Variants in LIFR observed in about 807,000 individuals in gnomAD.
LIFR encodes LIF receptor subunit alpha.
In LIFR, 84 loss-of-function variants were observed where a neutral mutation model predicts 122.2. That is an observed-to-expected ratio of 0.69 (90% confidence interval 0.58 to 0.82). LIFR has a LOEUF of 0.82. Ranked by LOEUF, LIFR falls within the 40% of genes least tolerant of loss-of-function variation. The pLI, the probability that LIFR is intolerant of heterozygous loss-of-function variation, is 0.00. For synonymous variants in LIFR, 422 were observed against 434.7 expected (o/e 0.97, Z 0.36); for missense variants, 1,294 against 1,311.6 (o/e 0.99, Z 0.21).
At chr5:38,500,334 A>G (rs1217995345) in intron 11 of LIFR, among the ~76,000 whole-genome samples, 1 of 152,228 alleles carries the variant, frequency 6.6e-6, no homozygotes, top group South Asian at 2.1e-4. Context: ...CCTCATCCGA[A>G]ATGCTTGGGA....
chr5:38,530,632 C>T lies in LIFR; in HGVS notation c.16G>A (p.Val6Ile), dbSNP rs373771721. The T allele has an allele frequency of 3.9e-5, 63 of 1,613,544 alleles. 1 individual carries two copies. The South Asian group carries it at 5.5e-4, about 14-fold the overall frequency. Residue 6 changes from valine to isoleucine, a missense_variant, in exon 2 of 20, where the codon GTA becomes ATA. Val to Ile is a conservative substitution (Grantham distance 29). Transcript: ENST00000453190. ...ATCCAGGATGGTCGTTTCAAACATA[C>T]GTAAATATCCATCATCTGTGCAATG... MMDIY[V>I]CLKRPSWMVD...
At chr5:38,606,028 A>T (rs1750321012) in intron 2 of LIFR, among the ~76,000 whole-genome samples, 1 of 152,176 alleles carries the variant, frequency 6.6e-6, no homozygotes, top group Non-Finnish European at 1.5e-5. Flanking sequence ...ATTGACTGAG[A>T]CCTGTCTCAG....
intron 4 of LIFR, among the ~76,000 whole-genome samples, chr5:38,524,605 G>A (rs1561174532): frequency 6.6e-6 from 1 of 152,190 alleles, no homozygotes. Flanking sequence ...GCAGCAAGAG[G>A]AGCAAAAGGA....
chr5:38,583,457 T>C (rs1749650823), intron 1 of LIFR, among the ~76,000 whole-genome samples: 1 of 151,934 alleles, frequency 6.6e-6, no homozygotes, highest in Admixed American at 6.6e-5. Context: ...TAAATGAGAC[T>C]ACAACAAACT....
intron 1 of LIFR, among the ~76,000 whole-genome samples, chr5:38,586,744 C>A (rs1035468792): frequency 1.3e-5 from 2 of 152,078 alleles, no homozygotes; most frequent in African/African-American, 2.4e-5. Flanking sequence ...CACAATTATA[C>A]TAGATCCATC....
At chr5:38,517,873 A>AAAAAAAAAAAAAAG (rs1746178745) in intron 5 of LIFR, among the ~76,000 whole-genome samples, 1 of 142,884 alleles carries the variant, frequency 7.0e-6, no homozygotes, top group Non-Finnish European at 1.5e-5. Flanking sequence ...AAAAAAAAAA[A>AAAAAAAAAAAAAAG]AAAAAAAAGG....
intron 1 of LIFR, among the ~76,000 whole-genome samples, chr5:38,538,349 T>C (rs1283617501): frequency 6.6e-6 from 1 of 152,248 alleles, no homozygotes; most frequent in Non-Finnish European, 1.5e-5. Flanking sequence ...GTTCCCAGGA[T>C]TGGCCTCTTC....
intron 1 of LIFR, among the ~76,000 whole-genome samples, chr5:38,576,583 C>T (rs1031632719): frequency 4.6e-5 from 7 of 152,132 alleles, no homozygotes; most frequent in Admixed American, 2.0e-4. Flanking sequence ...CTCATAGAAA[C>T]GTGACACCAT....
Position 38,480,084 on chromosome 5 carries a change from G to A in LIFR, c.*1511C>T, listed in dbSNP as rs1743907641. The A allele has an allele frequency of 8.9e-6, 2 of 225,636 alleles. No individual in the cohort carries two copies. The highest frequency in any genetic ancestry group is 2.2e-5 in the African/African-American group (1 of 44,654). The allele number at this position is 225,636 out of a possible 1,614,324, so 14.0% of individuals were successfully genotyped here. ...AAAAAAATTAATTGATCCATTATTT[G>A]CAAATACATTACAGAATCTCAGATG... On this transcript the variant is annotated 3_prime_UTR_variant, in exon 20 of 20. Coordinates refer to ENST00000453190, the MANE Select transcript of LIFR (RefSeq NM_001127671.2).
At position 38,496,484 on chromosome 5, in the gene LIFR, C is replaced by CTG. The variant is rs2112430367; in HGVS notation, c.1781_1782dup (p.Glu595GlnfsTer14). ...TAGTCATTCTTATCAAGTCGTATCT[C>CTG]TGCTTTGTGCTGAGGATCAGGGATT... On this transcript the variant is annotated frameshift_variant, in exon 13 of 20. Transcript: ENST00000453190. LOFTEE classifies it high-confidence loss of function. 6.2e-7 allele frequency: 1 copy of CTG among 1,614,056 alleles called. No homozygotes were observed. The highest frequency in any genetic ancestry group is 1.1e-5 in the South Asian group (1 of 91,078).
chr5:38,516,196 C>T (rs2112515671), intron 5 of LIFR, among the ~76,000 whole-genome samples: 1 of 152,142 alleles, frequency 6.6e-6, no homozygotes, highest in East Asian at 1.9e-4. Flanking sequence ...CCTAACAGTC[C>T]CTTCATTTAA....
chr5:38,503,647 T>C (rs1745300247), intron 10 of LIFR, among the ~76,000 whole-genome samples: 1 of 152,182 alleles, frequency 6.6e-6, no homozygotes. Context: ...TTTTAAAAAA[T>C]CACTTCTGCT....
At chr5:38,593,947 T>A (rs1304397011) in intron 1 of LIFR, among the ~76,000 whole-genome samples, 1 of 152,178 alleles carries the variant, frequency 6.6e-6, no homozygotes, top group Non-Finnish European at 1.5e-5. Context: ...CTACCCAGAC[T>A]ATCGTATTTT....
chr5:38,581,306 C>T (rs568330807), intron 1 of LIFR, among the ~76,000 whole-genome samples: 5 of 152,198 alleles, frequency 3.3e-5, no homozygotes, highest in South Asian at 2.1e-4. Flanking sequence ...CCTAGCAGGA[C>T]GTTTAAGACC....
chr5:38,514,245 A>G (rs573873126), intron 5 of LIFR, among the ~76,000 whole-genome samples: 3 of 152,322 alleles, frequency 2.0e-5, no homozygotes, highest in African/African-American at 7.2e-5. Context: ...AGGACAAATC[A>G]AAGAAATAAA....
chr5:38,486,410 T>C lies in LIFR; in HGVS notation c.2336-430A>G, dbSNP rs16903986. On this transcript the variant is annotated intron_variant, in intron 16 of 19. Coordinates refer to ENST00000453190, the MANE Select transcript of LIFR (RefSeq NM_001127671.2). ...GGGATGAAGCAAACCTGCAGATCAA[T>C]AGAGATGACTCCAAACCACTTAGAA... Among the ~76,000 whole-genome samples, 757 of 152,290 alleles carry C rather than the reference T, an allele frequency of 5.0e-3. 6 individuals are homozygous for C. The highest frequency in any genetic ancestry group is 0.018 in the African/African-American group (736 of 41,546).
intron 16 of LIFR, 80 bp downstream of exon 16, chr5:38,488,998 G>T: frequency 1.7e-6 from 2 of 1,178,340 alleles, no homozygotes; most frequent in Non-Finnish European, 2.5e-6. Flanking sequence ...AAACTACTGA[G>T]CAGGACTTTC....
intron 5 of LIFR, among the ~76,000 whole-genome samples, chr5:38,521,529 G>T (rs1392135790): frequency 6.6e-6 from 1 of 152,182 alleles, no homozygotes; most frequent in African/African-American, 2.4e-5. Context: ...GAGTATGCCT[G>T]TCTTTGGACC....
At chr5:38,519,052 G>C (rs1746258258) in intron 5 of LIFR, among the ~76,000 whole-genome samples, 2 of 152,158 alleles carry the variant, frequency 1.3e-5, no homozygotes, top group African/African-American at 4.8e-5. Context: ...CTATGTGTTT[G>C]TTTTAAGCTA....
Sources: allele counts gnomAD v4.1 joint callset (sites outside exome capture counted in the v4.1 genomes callset), GRCh38; gene constraint gnomAD v4.1.1; transcripts MANE v1.5; gene names NCBI Gene and HGNC (gene_info 2026-07-23, HGNC 2026-07-21).